SPTSSA: variants seen among roughly 807,000 people sequenced by gnomAD.
The protein encoded by SPTSSA is small subunit of serine palmitoyltransferase A.
A neutral mutation model predicts 9.1 loss-of-function variants in SPTSSA; 8 were observed. The observed-to-expected ratio is 0.88, with a 90% CI of 0.51 to 1.58. SPTSSA has a LOEUF of 1.58. SPTSSA is among the 40% of genes most tolerant of loss of function. SPTSSA has a pLI of 0.00. For synonymous variants in SPTSSA, 42 were observed against 37.7 expected (o/e 1.11, Z -0.41); for missense variants, 100 against 93.8 (o/e 1.07, Z -0.27).
intron 1 of SPTSSA, among the ~76,000 whole-genome samples, chr14:34,450,850 A>C (rs1342387345): frequency 6.6e-6 from 1 of 152,200 alleles, no homozygotes; most frequent in Non-Finnish European, 1.5e-5. Flanking sequence ...TGAATGAACA[A>C]TCAGAGGTTA....
intron 1 of SPTSSA, among the ~76,000 whole-genome samples, chr14:34,440,137 G>C (rs1313968923): frequency 6.6e-6 from 1 of 152,102 alleles, no homozygotes; most frequent in Non-Finnish European, 1.5e-5. Context: ...TCCTTAAACA[G>C]AGAAATAATA....
intron 1 of SPTSSA, among the ~76,000 whole-genome samples, chr14:34,446,875 G>A (rs1433229756): frequency 3.9e-5 from 6 of 152,116 alleles, no homozygotes; most frequent in East Asian, 1.9e-4. Flanking sequence ...GTGGCCTATC[G>A]AGAAATACAT....
chr14:34,457,354 C>G (rs1878506001), intron 1 of SPTSSA, among the ~76,000 whole-genome samples: 1 of 152,140 alleles, frequency 6.6e-6, no homozygotes, highest in Admixed American at 6.5e-5. Flanking sequence ...TTACAAAAGC[C>G]TATCTTGGTT....
intron 1 of SPTSSA, among the ~76,000 whole-genome samples, chr14:34,440,551 T>C (rs973848112): frequency 6.6e-6 from 1 of 152,204 alleles, no homozygotes; most frequent in Non-Finnish European, 1.5e-5. Flanking sequence ...GGAACACGCA[T>C]ATATTAGCCT....
At chr14:34,439,434 T>C (rs1421580276) in intron 1 of SPTSSA, among the ~76,000 whole-genome samples, 2 of 151,958 alleles carry the variant, frequency 1.3e-5, no homozygotes, top group African/African-American at 2.4e-5. Context: ...ACTCAGGAGT[T>C]TGAGACTAGT....
chr14:34,450,930 A>G (rs759368075), intron 1 of SPTSSA, among the ~76,000 whole-genome samples: 2 of 152,190 alleles, frequency 1.3e-5, no homozygotes, highest in Non-Finnish European at 2.9e-5. Context: ...ATGTGAAGCC[A>G]TATATAGAAT....
At chr14:34,440,782 G>A (rs896048064) in intron 1 of SPTSSA, among the ~76,000 whole-genome samples, 1 of 152,078 alleles carries the variant, frequency 6.6e-6, no homozygotes, top group South Asian at 2.1e-4. Flanking sequence ...TTGGGAGGCT[G>A]AGGCAGGAGA....
At chr14:34,455,550 T>C (rs1230227142) in intron 1 of SPTSSA, among the ~76,000 whole-genome samples, 5 of 152,144 alleles carry the variant, frequency 3.3e-5, no homozygotes, top group African/African-American at 9.7e-5. Flanking sequence ...TTTTCAACCA[T>C]AAGGATGTAT....
intron 1 of SPTSSA, among the ~76,000 whole-genome samples, chr14:34,449,649 C>T (rs146613956): frequency 9.3e-4 from 142 of 152,014 alleles, no homozygotes; most frequent in African/African-American, 3.3e-3. Context: ...ATTACAGGCA[C>T]GTGCCACCAC....
chr14:34,435,887 C>T (rs1883234913), intron 1 of SPTSSA, among the ~76,000 whole-genome samples: 1 of 152,046 alleles, frequency 6.6e-6, no homozygotes. Flanking sequence ...ATCTCAGCCT[C>T]CCAAAGTGCT....
chr14:34,436,320 T>G (rs984514610), intron 1 of SPTSSA, among the ~76,000 whole-genome samples: 1 of 152,152 alleles, frequency 6.6e-6, no homozygotes, highest in Non-Finnish European at 1.5e-5. Context: ...ACAAGAGGCC[T>G]CTCTCTGGGG....
Position 34,435,033 on chromosome 14 carries a change from C to G in SPTSSA, c.*168G>C, listed in dbSNP as rs550966434. 2.6e-5 allele frequency: 12 copies of G among 457,692 alleles called. No individual in the cohort carries two copies. In the South Asian group the frequency reaches 5.7e-4, roughly 22 times the overall value. The allele number at this position is 457,692 out of a possible 1,614,324, so 28.4% of individuals were successfully genotyped here. A position where few individuals can be genotyped will look rare whatever the true frequency, so the allele number is the denominator to read the frequency against. ...CTCTTTGAAAATTAAAAATAAAGAA[C>G]ACAACACATGAGTCAGGATGATTTT... On this transcript the variant is annotated 3_prime_UTR_variant, in exon 2 of 2. Coordinates refer to ENST00000298130, the MANE Select transcript of SPTSSA (RefSeq NM_138288.4).
intron 1 of SPTSSA, among the ~76,000 whole-genome samples, chr14:34,448,108 A>T (rs1213171529): frequency 6.6e-6 from 1 of 152,098 alleles, no homozygotes; most frequent in Non-Finnish European, 1.5e-5. Context: ...TACAAAAATT[A>T]GCTGGGCATG....
Position 34,439,015 on chromosome 14 carries a change from T to C in SPTSSA, c.113-3711A>G, listed in dbSNP as rs191450686. Among the ~76,000 whole-genome samples, 343 of 152,298 alleles carry C rather than the reference T, an allele frequency of 2.3e-3. 1 individual carries two copies. Among genetic ancestry groups the C allele is most frequent in the Admixed American group, 4.9e-3 (75 of 15,302 alleles). On this transcript the variant is annotated intron_variant, in intron 1 of 1. Coordinates refer to ENST00000298130, the MANE Select transcript of SPTSSA (RefSeq NM_138288.4). The stretch of plus-strand genomic sequence containing the variant: ...ACTGAAGGATTGAGACAGGGATTCT[T>C]GTGCAAGCTATTTATTGAGGGAATT...
rs1279067405 is a variant in SPTSSA, at chr14:34,454,107, G to T, written c.112+7989C>A. ...AGGCGGGAAGATCACTTAAGCCCAG[G>T]AGTTCAAGGGTACAGTGAACTAAAG... On this transcript the variant is annotated intron_variant, in intron 1 of 1. Coordinates refer to ENST00000298130, the MANE Select transcript of SPTSSA (RefSeq NM_138288.4). Among the ~76,000 whole-genome samples the T allele has an allele frequency of 2.6e-5, 4 of 152,116 alleles. No homozygotes were observed. The East Asian group carries it at 7.7e-4, about 29-fold the overall frequency.
At chr14:34,440,985 T>G (rs188218919) in intron 1 of SPTSSA, among the ~76,000 whole-genome samples, 1 of 152,234 alleles carries the variant, frequency 6.6e-6, no homozygotes, top group Non-Finnish European at 1.5e-5. Flanking sequence ...AAAGCATGAT[T>G]TTTTAATTCT....
chr14:34,445,261 G>A (rs759175422), intron 1 of SPTSSA, among the ~76,000 whole-genome samples: 1 of 151,790 alleles, frequency 6.6e-6, no homozygotes, highest in Non-Finnish European at 1.5e-5. Flanking sequence ...CCAACACTCT[G>A]GGAGGCCAAA....
Position 34,462,134 on chromosome 14 carries a change from G to A in SPTSSA, c.74C>T (p.Ala25Val). 6.5e-7 allele frequency: 1 copy of A among 1,530,454 alleles called. No homozygotes were observed. Among genetic ancestry groups the A allele is most frequent in the Middle Eastern group, 1.7e-4 (1 of 5,720 alleles). 94.8% of individuals were successfully genotyped at this position (1,530,454 alleles called of 1,614,324 possible). A position where few individuals can be genotyped will look rare whatever the true frequency, so the allele number is the denominator to read the frequency against. Residue 25 changes from alanine to valine, a missense_variant, in exon 1 of 2, where the codon GCG (alanine) becomes GTG (valine). Transcript: ENST00000298130. ...CTCCCAGGGCTCCAGCATGTAGAGC[G>A]CCGTGACCAGCAGGTACTGGTAGTA... is the stretch of plus-strand genomic sequence containing the variant. The part of the protein sequence containing the change: ...WFYYQYLLVT[A>V]LYMLEPWERT...
chr14:34,447,906 T>C (rs113004190), intron 1 of SPTSSA, among the ~76,000 whole-genome samples: 5,498 of 152,208 alleles, frequency 0.036, 296 homozygotes, highest in African/African-American at 0.13. Context: ...CAGATGATCA[T>C]GCAACAAAGG....
Sources: gnomAD v4.1 joint callset for allele counts (sites outside exome capture counted in the v4.1 genomes callset) on GRCh38, gnomAD v4.1.1 for gene constraint, MANE v1.5 for transcripts, NCBI Gene and HGNC (gene_info 2026-07-23, HGNC 2026-07-21) for gene names.